OGDHL: variants seen among roughly 807,000 people sequenced by gnomAD.
OGDHL encodes 2-oxoglutarate dehydrogenase-like, mitochondrial.
In OGDHL, 79 loss-of-function variants were observed where a neutral mutation model predicts 109.6. The ratio of observed to expected loss-of-function variants is 0.72; its 90% CI spans 0.60 to 0.87. The LOEUF is 0.87. Ranked by LOEUF, OGDHL falls within the 40% of genes least tolerant of loss-of-function variation. OGDHL has a pLI of 0.00. For synonymous variants in OGDHL, 528 were observed against 537.2 expected (o/e 0.98, Z 0.24); for missense variants, 1,275 against 1,362.2 (o/e 0.94, Z 1.01).
At chr10:49,738,453 C>G in intron 17 of OGDHL, 191 bp from the exon 18 acceptor site, 1 of 616,398 alleles carries the variant, frequency 1.6e-6, no homozygotes, top group Non-Finnish European at 2.9e-6. Context: ...AGAGTGGGGT[C>G]TGCCCAGAGC....
At chr10:49,735,472 C>CT (rs1283346798) in intron 22 of OGDHL, 121 bp from the exon 23 acceptor site, 4 of 1,219,272 alleles carry the variant, frequency 3.3e-6, no homozygotes, top group East Asian at 2.4e-5. Flanking sequence ...GCCATAGACC[C>CT]TGCCTTTTGG....
At position 49,743,996 on chromosome 10, in the gene OGDHL, G is replaced by A. The variant is rs146442530; in HGVS notation, c.1859C>T (p.Thr620Ile). 120 of 1,613,516 alleles carry A rather than the reference G, an allele frequency of 7.4e-5. No individual in the cohort carries two copies. The highest frequency in any genetic ancestry group is 9.7e-5 in the Non-Finnish European group (114 of 1,179,658). The part of the protein sequence containing the change: ...SVPLEDFKIH[T>I]GLSRILRGRA... ...TGCAGCCTGTCCAGCAACCTCACCA[G>A]TGTGGATCTTAAAGTCCTCCAGGGG... Residue 620 changes from threonine to isoleucine, a missense_variant and splice_region_variant, in exon 14 of 23, where the codon ACT (threonine) becomes ATT (isoleucine). By Grantham distance (89) the Thr-to-Ile change is moderately conservative (BLOSUM62 -1). Coordinates refer to ENST00000374103, the MANE Select transcript of OGDHL (RefSeq NM_018245.3).
Position 49,740,836 on chromosome 10 carries a change from G to A in OGDHL, c.2014C>T (p.His672Tyr). 4 of 1,613,808 alleles carry A rather than the reference G, an allele frequency of 2.5e-6. No homozygotes were observed. Among genetic ancestry groups the A allele is most frequent in the Non-Finnish European group, 3.4e-6 (4 of 1,179,800 alleles). ...TGGTCATGGAGAACATGGTGCCGGT[G>A]ACTGCAGAGACACAGACCGGGGCAG... ...GQDVERGTFSHRHHVLHDQEV... is the reference protein window; with the variant it reads ...GQDVERGTFSYRHHVLHDQEV... The change falls in exon 16 of 23, where the codon CAC becomes TAC. Residue 672 changes from histidine to tyrosine, a missense_variant and splice_region_variant. Transcript: ENST00000374103.
chr10:49,761,081 T>G (rs995120559), intron 1 of OGDHL, among the ~76,000 whole-genome samples: 1 of 152,002 alleles, frequency 6.6e-6, no homozygotes, highest in South Asian at 2.1e-4. Context: ...CAGCAGGGCA[T>G]GAGGGCTCAG....
chr10:49,756,897 G>A lies in OGDHL; in HGVS notation c.254C>T (p.Ser85Phe). The change falls in exon 3 of 23, where the codon TCT (serine) becomes TTT (phenylalanine). Residue 85 changes from serine to phenylalanine, a missense_variant. By Grantham distance (155) the Ser-to-Phe change is radical (BLOSUM62 -2). Coordinates refer to ENST00000374103, the MANE Select transcript of OGDHL (RefSeq NM_018245.3). ...AACAGAAGGGGGCCGTGGCTGAGCAGAGCCAGAAAAGGCTTCCTCGCTGGC... is the reference window on the plus strand; with the variant it reads ...AACAGAAGGGGGCCGTGGCTGAGCAAAGCCAGAAAAGGCTTCCTCGCTGGC... ...REASEEAFSG[S>F]AQPRPPSVVH... 1 of 1,613,940 alleles carries A rather than the reference G, an allele frequency of 6.2e-7. No homozygotes were observed.
chr10:49,760,272 G>A (rs1460210650), intron 1 of OGDHL, among the ~76,000 whole-genome samples: 1 of 152,340 alleles, frequency 6.6e-6, no homozygotes, highest in Non-Finnish European at 1.5e-5. Flanking sequence ...GAGGCTTCGG[G>A]TCATGTGGCC....
At position 49,752,701 on chromosome 10, in the gene OGDHL, T is replaced by G; in HGVS notation, c.415A>C (p.Ile139Leu). 1 of 1,614,160 alleles carries G rather than the reference T, an allele frequency of 6.2e-7. No individual in the cohort carries two copies. The highest frequency in any genetic ancestry group is 8.5e-7 in the Non-Finnish European group (1 of 1,180,006). ...AAGGAGTCCAGGTCTGCATCCAGAATGCCCAGGGGGTCCAGCTGGGCCACA... is the reference window on the plus strand; with the variant it reads ...AAGGAGTCCAGGTCTGCATCCAGAAGGCCCAGGGGGTCCAGCTGGGCCACA... ...HHVAQLDPLG[I>L]LDADLDSFVP... Residue 139 changes from isoleucine to leucine, a missense_variant, in exon 4 of 23, where the codon ATT (isoleucine) becomes CTT (leucine). Physicochemically the swap from Ile to Leu is conservative, Grantham distance 5. Transcript: ENST00000374103.
chr10:49,760,269 C>T lies in OGDHL; in HGVS notation c.-1-1676G>A, dbSNP rs1004764883. Among the ~76,000 whole-genome samples, 7 of 152,308 alleles carry T rather than the reference C, an allele frequency of 4.6e-5. No individual in the cohort carries two copies. The South Asian group carries it at 6.2e-4, about 14-fold the overall frequency. Reference sequence around the variant, plus strand: ...CCCCAATGCTCAGCCCCTGAGGCTTCGGGTCATGTGGCCCAGCCCACGAGC... The same window carrying T: ...CCCCAATGCTCAGCCCCTGAGGCTTTGGGTCATGTGGCCCAGCCCACGAGC... On this transcript the variant is annotated intron_variant, in intron 1 of 22. Coordinates refer to ENST00000374103, the MANE Select transcript of OGDHL (RefSeq NM_018245.3).
chr10:49,741,443 G>A (rs553359322), intron 15 of OGDHL, among the ~76,000 whole-genome samples: 3 of 152,172 alleles, frequency 2.0e-5, no homozygotes, highest in East Asian at 1.9e-4. Context: ...GAATGAGAAA[G>A]CCAGCTGGTC....
At chr10:49,743,773 A>AG in intron 14 of OGDHL, 1 of 491,346 alleles carries the variant, frequency 2.0e-6, no homozygotes. Flanking sequence ...ACTGGTACCC[A>AG]GCTGGGAGTG....
At chr10:49,744,144 T>C in intron 13 of OGDHL, 22 bp from the exon 14 acceptor site, 1 of 1,612,070 alleles carries the variant, frequency 6.2e-7, no homozygotes, top group Non-Finnish European at 8.5e-7. Context: ...AGAGGCTCTG[T>C]CCACACTGTG....
At chr10:49,748,093 A>C (rs1326746960) in intron 8 of OGDHL, among the ~76,000 whole-genome samples, 1 of 152,156 alleles carries the variant, frequency 6.6e-6, no homozygotes, top group Non-Finnish European at 1.5e-5. Flanking sequence ...AGCTCCTGGG[A>C]GGGTCGTTCA....
chr10:49,752,500 C>T, intron 4 of OGDHL, 138 bp downstream of exon 4: 1 of 758,772 alleles, frequency 1.3e-6, no homozygotes, highest in Non-Finnish European at 2.3e-6. Context: ...AGTACACAGG[C>T]AAGGTAGAAA....
In OGDHL at chr10:49,736,003, T is replaced by A. The variant is rs1841133279; in HGVS notation, c.2909+20A>T. 3.2e-6 allele frequency: 5 copies of A among 1,542,322 alleles called. No individual in the cohort carries two copies. The highest frequency in any genetic ancestry group is 4.4e-6 in the Non-Finnish European group (5 of 1,143,828). ...GCCTCAGGGCCGAGGTGAGGGGCAA[T>A]CAGCGGCCCCACCATGTACCATATG... On this transcript the variant is annotated intron_variant, in intron 22 of 22. Coordinates refer to ENST00000374103, the MANE Select transcript of OGDHL (RefSeq NM_018245.3).
intron 7 of OGDHL, 103 bp from the exon 8 acceptor site, chr10:49,749,919 GC>G: frequency 1.1e-6 from 1 of 938,478 alleles, no homozygotes; most frequent in Non-Finnish European, 1.6e-6. Context: ...GCCCCTTCGT[GC>G]CCAGAGCCCT....
chr10:49,742,426 A>ACC (rs1459239166), intron 15 of OGDHL, among the ~76,000 whole-genome samples: 1 of 133,602 alleles, frequency 7.5e-6, no homozygotes, highest in African/African-American at 2.8e-5. Flanking sequence ...ACACATACAC[A>ACC]CCACACATAC....
At position 49,742,822 on chromosome 10, in the gene OGDHL, G is replaced by C; in HGVS notation, c.2012+6C>G. On this transcript the variant is annotated splice_donor_region_variant and intron_variant, in intron 15 of 22. Transcript: ENST00000374103. ...CTGTGCGGATGCTGAGCCCCACTGC[G>C]CTCACCTGAATGTGCCCCTCTCCAC... 6.2e-7 allele frequency: 1 copy of C among 1,611,230 alleles called. No homozygotes were observed. Among genetic ancestry groups the C allele is most frequent in the Non-Finnish European group, 8.5e-7 (1 of 1,179,374 alleles).
chr10:49,736,654 A>G (rs758236715), intron 20 of OGDHL, 134 bp from the exon 21 acceptor site: 2 of 907,214 alleles, frequency 2.2e-6, no homozygotes, highest in Admixed American at 2.8e-5. Flanking sequence ...GCTGCAGTGG[A>G]CACCTCTTGA....
chr10:49,743,288 C>T (rs1841931191), intron 14 of OGDHL, among the ~76,000 whole-genome samples: 1 of 152,242 alleles, frequency 6.6e-6, no homozygotes. Context: ...GACTCCAAGT[C>T]CCCAGGCTTA....
Sources: allele counts gnomAD v4.1 joint callset (sites outside exome capture counted in the v4.1 genomes callset), GRCh38; gene constraint gnomAD v4.1.1; transcripts MANE v1.5; gene names NCBI Gene and HGNC (gene_info 2026-07-23, HGNC 2026-07-21).